MRPS9: variants seen among roughly 807,000 people sequenced by gnomAD.
The protein encoded by MRPS9 is mitochondrial ribosomal protein S9, also known as small ribosomal subunit protein uS9m.
A neutral mutation model predicts 59.9 loss-of-function variants in MRPS9; 45 were observed. That is an observed-to-expected ratio of 0.75 (90% CI 0.59 to 0.96). The LOEUF (loss-of-function observed/expected upper bound fraction) is 0.96. MRPS9 is among the 40% of genes least tolerant of loss of function. MRPS9 has a pLI of 0.00. For synonymous variants in MRPS9, 171 were observed against 166.8 expected (o/e 1.03, Z -0.19); for missense variants, 473 against 481.1 (o/e 0.98, Z 0.16).
At chr2:105,093,484 G>T in intron 8 of MRPS9, 46 bp from the exon 9 acceptor site, 3 of 1,123,848 alleles carry the variant, frequency 2.7e-6, no homozygotes, top group African/African-American at 1.6e-5. Context: ...GTCTCAAAGC[G>T]CAGGTCTTCA....
chr2:105,075,823 C>T (rs1363029057), intron 4 of MRPS9, among the ~76,000 whole-genome samples: 1 of 151,834 alleles, frequency 6.6e-6, no homozygotes, highest in African/African-American at 2.4e-5. Context: ...TTGGTAAAAA[C>T]ACAACCTAGA....
At chr2:105,051,293 G>A (rs993626688) in intron 2 of MRPS9, among the ~76,000 whole-genome samples, 1 of 152,002 alleles carries the variant, frequency 6.6e-6, no homozygotes, top group African/African-American at 2.4e-5. Context: ...ATCATTTGTT[G>A]GAAAGACTAT....
intron 1 of MRPS9, among the ~76,000 whole-genome samples, chr2:105,042,535 C>G (rs1285739503): frequency 6.6e-6 from 1 of 152,196 alleles, no homozygotes; most frequent in Non-Finnish European, 1.5e-5. Flanking sequence ...ATCTAAGTGT[C>G]TCTCTCATGT....
chr2:105,077,412 A>AT (rs1203676955), intron 4 of MRPS9, among the ~76,000 whole-genome samples: 1 of 152,228 alleles, frequency 6.6e-6, no homozygotes, highest in African/African-American at 2.4e-5. Flanking sequence ...GTGGAATAAT[A>AT]TACAGGCCGT....
At chr2:105,066,816 A>T (rs1168417937) in intron 2 of MRPS9, among the ~76,000 whole-genome samples, 1 of 152,142 alleles carries the variant, frequency 6.6e-6, no homozygotes, top group African/African-American at 2.4e-5. Flanking sequence ...TGAGGTCTAG[A>T]TGGCCCACAA....
At position 105,097,305 on chromosome 2, in the gene MRPS9, G is replaced by A. The variant is rs376674466; in HGVS notation, c.1080G>A (p.Glu360=). ...KALCSFVTED[E]VEWMRQAGLL... ...TGTGCAGCTTTGTCACCGAGGACGA[G>A]GTCGAGTGGATGAGACAAGGTATGA... Residue 360 remains glutamate, a synonymous_variant, in exon 10 of 11, where the codon GAG becomes GAA. Coordinates refer to ENST00000258455, the MANE Select transcript of MRPS9 (RefSeq NM_182640.3). 2 of 1,608,544 alleles carry A rather than the reference G, an allele frequency of 1.2e-6. No individual in the cohort carries two copies. The highest frequency in any genetic ancestry group is 1.7e-6 in the Non-Finnish European group (2 of 1,177,500).
chr2:105,087,887 A>G (rs1016940022), intron 5 of MRPS9, among the ~76,000 whole-genome samples: 1 of 150,810 alleles, frequency 6.6e-6, no homozygotes, highest in African/African-American at 2.4e-5. Context: ...TGCAAGCACT[A>G]GTAAATGTGA....
intron 9 of MRPS9, among the ~76,000 whole-genome samples, chr2:105,094,841 G>C (rs1302146356): frequency 1.3e-5 from 2 of 152,210 alleles, no homozygotes; most frequent in Non-Finnish European, 2.9e-5. Context: ...TTTGTATTCA[G>C]ACATAACTCC....
At chr2:105,076,567 A>G (rs1037048033) in intron 4 of MRPS9, among the ~76,000 whole-genome samples, 1 of 152,252 alleles carries the variant, frequency 6.6e-6, no homozygotes, top group Non-Finnish European at 1.5e-5. Context: ...AAAATAGACT[A>G]TGCAGAAGAT....
In MRPS9 at chr2:105,092,931, G is replaced by T. The variant is rs144815492; in HGVS notation, c.820+362G>T. Among the ~76,000 whole-genome samples, 565 of 152,260 alleles carry T rather than the reference G, an allele frequency of 3.7e-3. 2 individuals carry two copies. The highest frequency in any genetic ancestry group is 0.017 in the Middle Eastern group (5 of 294). On this transcript the variant is annotated intron_variant, in intron 8 of 10. Transcript: ENST00000258455. ...TGCTCAATGAATCTGCATATCAAAT[G>T]CCAAAACTATGTAATGTGAAAACTT...
At chr2:105,042,308 C>G (rs1212989531) in intron 1 of MRPS9, among the ~76,000 whole-genome samples, 1 of 152,208 alleles carries the variant, frequency 6.6e-6, no homozygotes. Flanking sequence ...TGCAGGCTGT[C>G]GGGCTGAAGG....
intron 2 of MRPS9, among the ~76,000 whole-genome samples, chr2:105,055,639 T>A (rs1219461399): frequency 1.3e-5 from 2 of 152,024 alleles, no homozygotes; most frequent in African/African-American, 4.8e-5. Flanking sequence ...TCCACCTTTG[T>A]GGCACCTGAG....
At chr2:105,078,604 T>C (rs1426435339) in intron 4 of MRPS9, among the ~76,000 whole-genome samples, 3 of 152,138 alleles carry the variant, frequency 2.0e-5, no homozygotes, top group Non-Finnish European at 4.4e-5. Context: ...AAATAAGAAT[T>C]TGGTTTTTCA....
At chr2:105,082,714 G>C (rs111585137) in intron 5 of MRPS9, among the ~76,000 whole-genome samples, 1,584 of 152,294 alleles carry the variant, frequency 0.01, 23 homozygotes, top group African/African-American at 0.037. Flanking sequence ...ATAAAGTGAA[G>C]GGGGATTTGC....
At chr2:105,058,987 G>A (rs1293834697) in intron 2 of MRPS9, among the ~76,000 whole-genome samples, 1 of 151,306 alleles carries the variant, frequency 6.6e-6, no homozygotes, top group Non-Finnish European at 1.5e-5. Flanking sequence ...AGTTTAATGA[G>A]TTTCTAAAGA....
chr2:105,074,496 G>C (rs1207926686), intron 4 of MRPS9, among the ~76,000 whole-genome samples: 2 of 152,214 alleles, frequency 1.3e-5, no homozygotes, highest in Non-Finnish European at 2.9e-5. Context: ...AGTAAGAATT[G>C]TTAGCATTTA....
chr2:105,069,612 G>C (rs1256012416), intron 2 of MRPS9, among the ~76,000 whole-genome samples: 1 of 152,050 alleles, frequency 6.6e-6, no homozygotes, highest in African/African-American at 2.4e-5. Flanking sequence ...TGTCATATGT[G>C]AGTATTTGTT....
chr2:105,043,789 C>T (rs976123580), intron 1 of MRPS9, among the ~76,000 whole-genome samples: 11 of 151,510 alleles, frequency 7.3e-5, no homozygotes, highest in Non-Finnish European at 1.6e-4. Context: ...TGCCCACCAC[C>T]ACACCCAGCT....
intron 1 of MRPS9, among the ~76,000 whole-genome samples, chr2:105,046,914 A>G (rs2104439635): frequency 6.6e-6 from 1 of 152,152 alleles, no homozygotes; most frequent in South Asian, 2.1e-4. Flanking sequence ...CTTGGGGTAG[A>G]AAGATAATTT....
Sources: gnomAD v4.1 joint callset for allele counts (sites outside exome capture counted in the v4.1 genomes callset) on GRCh38, gnomAD v4.1.1 for gene constraint, MANE v1.5 for transcripts, NCBI Gene and HGNC (gene_info 2026-07-23, HGNC 2026-07-21) for gene names.